MALRD1: variants seen among roughly 807,000 people sequenced by gnomAD.
MALRD1 encodes the protein MAM and LDL receptor class A domain containing 1.
Under a neutral mutation model 242.1 loss-of-function variants are expected in MALRD1, and 247 were observed. The ratio of observed to expected loss-of-function variants is 1.02; its 90% CI spans 0.92 to 1.13. The LOEUF is 1.13. MALRD1 is among the 50% of genes most tolerant of loss of function. MALRD1 has a pLI of 0.00. For synonymous variants in MALRD1, 995 were observed against 866.6 expected, an observed-to-expected ratio of 1.15 and a Z score of -2.60; for missense variants, 2,989 against 2,533.1, an observed-to-expected ratio of 1.18 and a Z score of -3.86.
intron 36 of MALRD1, among the ~76,000 whole-genome samples, chr10:19,651,579 T>A (rs11812625): frequency 0.11 from 16,759 of 152,180 alleles, 2,369 homozygotes; most frequent in African/African-American, 0.33. Context: ...ACAACACTTA[T>A]TGAGCATTAT....
intron 13 of MALRD1, among the ~76,000 whole-genome samples, chr10:19,173,473 A>C (rs987296635): frequency 3.3e-5 from 5 of 152,120 alleles, no homozygotes; most frequent in Non-Finnish European, 7.4e-5. Flanking sequence ...CCAAGAAATT[A>C]ACTCAATTTT....
chr10:19,409,079 C>T (rs983084090), intron 28 of MALRD1, among the ~76,000 whole-genome samples: 3 of 152,076 alleles, frequency 2.0e-5, no homozygotes, highest in African/African-American at 7.2e-5. Flanking sequence ...TAGAAACAAC[C>T]CAGATGGCCT....
chr10:19,686,498 C>A (rs1444971320), intron 36 of MALRD1, among the ~76,000 whole-genome samples: 1 of 152,174 alleles, frequency 6.6e-6, no homozygotes, highest in Admixed American at 6.5e-5. Context: ...ACGTGTGAGC[C>A]CATTTGCTCA....
At chr10:19,172,803 A>C (rs1343638776) in intron 13 of MALRD1, among the ~76,000 whole-genome samples, 1 of 152,018 alleles carries the variant, frequency 6.6e-6, no homozygotes, top group Non-Finnish European at 1.5e-5. Context: ...TCATGAATAT[A>C]GAAAAACTCT....
At chr10:19,692,147 G>GT (rs1564545387) in intron 36 of MALRD1, 135 bp from the exon 37 acceptor site, 2 of 673,386 alleles carry the variant, frequency 3.0e-6, no homozygotes, top group Admixed American at 3.7e-5. Context: ...AAAGTTTTTG[G>GT]TTTTTTATCA....
intron 29 of MALRD1, among the ~76,000 whole-genome samples, chr10:19,454,939 C>G (rs903207461): frequency 2.0e-5 from 3 of 152,004 alleles, no homozygotes; most frequent in African/African-American, 7.3e-5. Flanking sequence ...TATTTGCATT[C>G]TGAATACATT....
intron 36 of MALRD1, among the ~76,000 whole-genome samples, chr10:19,649,108 C>T (rs1278034434): frequency 6.6e-6 from 1 of 152,082 alleles, no homozygotes; most frequent in Admixed American, 6.5e-5. Flanking sequence ...CATGGGATGT[C>T]TTCCACATTT....
At chr10:19,051,358 T>A (rs1834489082) in intron 1 of MALRD1, 1 of 152,202 alleles carries the variant, frequency 6.6e-6, no homozygotes, top group Non-Finnish European at 1.5e-5. Context: ...ATGTGTCAAC[T>A]TTTCTGAATA....
At chr10:19,608,179 C>T (rs1386868472) in intron 35 of MALRD1, among the ~76,000 whole-genome samples, 2 of 152,040 alleles carry the variant, frequency 1.3e-5, no homozygotes, top group African/African-American at 2.4e-5. Context: ...AGATTATTAG[C>T]ATTTAATAAT....
At chr10:19,719,223 C>CATATATATATATATATATATATAT (rs368394538) in intron 38 of MALRD1, among the ~76,000 whole-genome samples, 32 of 76,392 alleles carry the variant, frequency 4.2e-4, no homozygotes, top group Non-Finnish European at 6.8e-4. Flanking sequence ...CACATACATA[C>CATATATATATATATATATATATAT]ATATATATAT....
chr10:19,127,437 C>G (rs1417531845), intron 7 of MALRD1, among the ~76,000 whole-genome samples: 1 of 152,090 alleles, frequency 6.6e-6, no homozygotes, highest in Non-Finnish European at 1.5e-5. Context: ...AAAATTTGCT[C>G]TCATGTTCTT....
chr10:19,233,140 A>G (rs1240088972), intron 18 of MALRD1, among the ~76,000 whole-genome samples: 1 of 152,162 alleles, frequency 6.6e-6, no homozygotes, highest in African/African-American at 2.4e-5. Flanking sequence ...ACAGGCGTGC[A>G]GTGTGAAATA....
chr10:19,049,109 G>A lies in MALRD1; in HGVS notation c.171G>A (p.Gln57=), dbSNP rs773837610. The change falls in exon 1 of 40, where the codon CAG becomes CAA. Residue 57 remains glutamine (Q), a synonymous_variant. Coordinates refer to ENST00000454679, the MANE Select transcript of MALRD1 (RefSeq NM_001142308.3). ...PPDSICDFTD[Q]CGDSSDERHC... ...ACAGCATTTGTGACTTCACAGATCA[G>A]TGTGGGGATAGCAGTGATGAACGGC... 6.5e-6 allele frequency: 8 copies of A among 1,233,914 alleles called. No individual in the cohort carries two copies. Among genetic ancestry groups the A allele is most frequent in the Non-Finnish European group, 8.1e-6 (8 of 988,152 alleles). 76.4% of individuals were successfully genotyped at this position (1,233,914 alleles called of 1,614,324 possible).
chr10:19,511,271 T>C (rs1174107080), intron 31 of MALRD1, among the ~76,000 whole-genome samples: 1 of 152,184 alleles, frequency 6.6e-6, no homozygotes, highest in Non-Finnish European at 1.5e-5. Flanking sequence ...CTAACCCACA[T>C]TGGCCTCTTT....
At chr10:19,392,400 C>T (rs942917654) in intron 28 of MALRD1, among the ~76,000 whole-genome samples, 2 of 151,946 alleles carry the variant, frequency 1.3e-5, no homozygotes, top group African/African-American at 4.8e-5. Context: ...ATGAAGATCC[C>T]CCTTTATCGA....
chr10:19,684,121 C>T (rs1254399363), intron 36 of MALRD1, among the ~76,000 whole-genome samples: 1 of 152,098 alleles, frequency 6.6e-6, no homozygotes, highest in Non-Finnish European at 1.5e-5. Context: ...TGAACTCATT[C>T]TTTTTTATGT....
chr10:19,225,405 A>G (rs1445102854), intron 18 of MALRD1, among the ~76,000 whole-genome samples: 6 of 152,164 alleles, frequency 3.9e-5, no homozygotes, highest in African/African-American at 1.2e-4. Flanking sequence ...GTTATTGTGT[A>G]TGAGCATATC....
intron 22 of MALRD1, 56 bp downstream of exon 22, chr10:19,324,161 T>G: frequency 6.8e-7 from 1 of 1,465,418 alleles, no homozygotes; most frequent in Non-Finnish European, 9.3e-7. Context: ...TCACAGTGCA[T>G]AATTTGGTAT....
At chr10:19,055,964 A>G (rs1370085689) in intron 1 of MALRD1, among the ~76,000 whole-genome samples, 1 of 152,180 alleles carries the variant, frequency 6.6e-6, no homozygotes, top group Non-Finnish European at 1.5e-5. Context: ...CTATGTAACA[A>G]ACTTGCACAT....
Sources: allele counts gnomAD v4.1 joint callset (sites outside exome capture counted in the v4.1 genomes callset), GRCh38; gene constraint gnomAD v4.1.1; transcripts MANE v1.5; gene names NCBI Gene and HGNC (gene_info 2026-07-23, HGNC 2026-07-21).